Variants in NAV1 observed in about 807,000 individuals in gnomAD.
NAV1 encodes pore membrane and/or filament interacting like protein 3.
In NAV1, 18 loss-of-function variants were observed where a neutral mutation model predicts 175.2. The ratio of observed to expected loss-of-function variants is 0.10; its 90% confidence interval spans 0.07 to 0.15. NAV1 has a LOEUF of 0.15. Among genes scored for constraint, NAV1 ranks in the 10% least tolerant of loss-of-function variants. NAV1 has a pLI of 1.00. For missense variants in NAV1, 1,731 were observed against 2,436.6 expected (o/e 0.71, Z 6.10); for synonymous variants, 897 against 978.7 (o/e 0.92, Z 1.56).
At chr1:201,815,050 A>T (rs1238956889) in intron 28 of NAV1, among the ~76,000 whole-genome samples, 1 of 151,722 alleles carries the variant, frequency 6.6e-6, no homozygotes, top group African/African-American at 2.4e-5. Flanking sequence ...AAAAAAAAAA[A>T]AAAAAAGTTA....
intron 2 of NAV1, among the ~76,000 whole-genome samples, chr1:201,715,665 G>A (rs1672110521): frequency 1.3e-5 from 2 of 152,224 alleles, no homozygotes; most frequent in Admixed American, 1.3e-4. Context: ...ACAGCGCTGG[G>A]CACTGGCTCC....
chr1:201,662,958 G>A (rs1254703427), intron 1 of NAV1, among the ~76,000 whole-genome samples: 1 of 152,260 alleles, frequency 6.6e-6, no homozygotes, highest in Non-Finnish European at 1.5e-5. Context: ...AGGGGAAAGG[G>A]ACGAAGTTTT....
chr1:201,579,005 C>A (rs2102189026), intron 1 of NAV1, among the ~76,000 whole-genome samples: 1 of 152,074 alleles, frequency 6.6e-6, no homozygotes, highest in East Asian at 1.9e-4. Context: ...TGATGGCACA[C>A]ACCTGTAATC....
At chr1:201,804,437 T>TC (rs1321524792) in intron 16 of NAV1, 52 bp from the exon 21 acceptor site, 6 of 1,506,382 alleles carry the variant, frequency 4.0e-6, no homozygotes, top group Non-Finnish European at 5.4e-6. Context: ...AAGTGTTGAT[T>TC]CTTTTTTTTT....
intron 3 of NAV1, among the ~76,000 whole-genome samples, chr1:201,752,877 AT>A (rs1253620771): frequency 1.3e-5 from 2 of 152,038 alleles, no homozygotes; most frequent in African/African-American, 2.4e-5. Flanking sequence ...TAACTTGCAA[AT>A]TTTTCCCCCA....
chr1:201,598,822 G>A (rs183133604), intron 2 of NAV1, among the ~76,000 whole-genome samples: 13 of 152,292 alleles, frequency 8.5e-5, no homozygotes, highest in Admixed American at 3.9e-4. Context: ...TGAGGAACCC[G>A]AGTCTTCAGT....
intron 1 of NAV1, among the ~76,000 whole-genome samples, chr1:201,690,775 T>G (rs1670896781): frequency 6.6e-6 from 1 of 150,556 alleles, no homozygotes; most frequent in South Asian, 2.1e-4. Context: ...AGTGTGTGTG[T>G]CTGTTTCCTC....
At chr1:201,701,732 A>T (rs139890456) in intron 1 of NAV1, among the ~76,000 whole-genome samples, 1 of 152,368 alleles carries the variant, frequency 6.6e-6, no homozygotes, top group African/African-American at 2.4e-5. Flanking sequence ...AGACAATGAC[A>T]AGTGTCAGTG....
chr1:201,740,182 G>A lies in NAV1; in HGVS notation c.1226+21427G>A. 1.1e-6 allele frequency: 1 copy of A among 945,760 alleles called. No individual in the cohort carries two copies. Among genetic ancestry groups the A allele is most frequent in the South Asian group, 1.9e-5 (1 of 51,522 alleles). 58.6% of individuals were successfully genotyped at this position (945,760 alleles called of 1,614,324 possible). On this transcript the variant is annotated intron_variant, in intron 3 of 29. Coordinates refer to ENST00000367296, the Ensembl canonical transcript of NAV1. This position sits in a 1 kb window ranked among gnomAD's most constrained non-coding sequence, Gnocchi z 4.7. Reference sequence around the variant, plus strand: ...GCCCCCCAGTTCCGCCGCAGCTGCAGTCTCAGGGGCAGTGGGTGTGGGGTC... The same window carrying A: ...GCCCCCCAGTTCCGCCGCAGCTGCAATCTCAGGGGCAGTGGGTGTGGGGTC...
intron 2 of NAV1, among the ~76,000 whole-genome samples, chr1:201,714,694 A>G (rs1672062608): frequency 6.6e-6 from 1 of 152,100 alleles, no homozygotes; most frequent in African/African-American, 2.4e-5. Context: ...GCCTTCCCCC[A>G]TCCAAGGAAA....
intron 2 of NAV1, among the ~76,000 whole-genome samples, chr1:201,589,640 C>T (rs536752926): frequency 2.6e-5 from 4 of 152,258 alleles, no homozygotes; most frequent in African/African-American, 9.6e-5. Flanking sequence ...CACAGGCGCA[C>T]ACCACCACTC....
intron 3 of NAV1, among the ~76,000 whole-genome samples, chr1:201,747,872 C>G (rs1673869603): frequency 6.6e-6 from 1 of 152,206 alleles, no homozygotes; most frequent in Non-Finnish European, 1.5e-5. Flanking sequence ...GTTGCCAACT[C>G]AGATTCCCAT....
Position 201,817,316 on chromosome 1 carries a change from A to G in NAV1, c.5538+31A>G, listed in dbSNP as rs74957953. On this transcript the variant is annotated intron_variant, in intron 29 of 29. Coordinates refer to ENST00000367296, the Ensembl canonical transcript of NAV1. ...TAGAAGCCATTCTAGAGTAAAAATAAGACTATTATAGAACTGAATTATTGA... is the reference window on the plus strand; with the variant it reads ...TAGAAGCCATTCTAGAGTAAAAATAGGACTATTATAGAACTGAATTATTGA... 11,768 of 1,600,012 alleles carry G rather than the reference A, an allele frequency of 7.4e-3. 62 individuals carry two copies. Among genetic ancestry groups the G allele is most frequent in the Non-Finnish European group, 8.2e-3 (9,541 of 1,170,122 alleles).
At chr1:201,790,815 G>A (rs1251246343) in intron 13 of NAV1, 49 bp downstream of exon 17, 18 of 1,596,688 alleles carry the variant, frequency 1.1e-5, no homozygotes, top group East Asian at 2.2e-5. Context: ...TTTGACTATC[G>A]TTAGACAAGT....
chr1:201,563,745 G>A (rs779085761), intron 1 of NAV1, among the ~76,000 whole-genome samples: 1 of 152,212 alleles, frequency 6.6e-6, no homozygotes, highest in African/African-American at 2.4e-5. Context: ...CTGTGGCCCT[G>A]ACAAGCAGAA....
At chr1:201,680,250 C>A (rs576587378) in intron 1 of NAV1, among the ~76,000 whole-genome samples, 1 of 152,282 alleles carries the variant, frequency 6.6e-6, no homozygotes, top group African/African-American at 2.4e-5. Context: ...TGGCTCACGC[C>A]TGTAATCCCA....
Position 201,812,043 on chromosome 1 carries a change from G to A in NAV1, c.5024+69G>A. 2 of 1,423,380 alleles carry A rather than the reference G, an allele frequency of 1.4e-6. No homozygotes were observed. Among genetic ancestry groups the A allele is most frequent in the Non-Finnish European group, 2.0e-6 (2 of 1,006,842 alleles). 88.2% of individuals were successfully genotyped at this position (1,423,380 alleles called of 1,614,324 possible). On this transcript the variant is annotated intron_variant, in intron 26 of 29. Transcript: ENST00000367296. The surrounding 1 kb of genome is among the most constrained non-coding windows in gnomAD (Gnocchi z 4.6). ...AGTCTTCAATCCTGGACTCTGGCCA[G>A]GAGGCAGTAGATAGGAGAAGGAAAG...
intron 1 of NAV1, among the ~76,000 whole-genome samples, chr1:201,585,195 G>A (rs16865416): frequency 0.048 from 7,366 of 152,244 alleles, 205 homozygotes; most frequent in Middle Eastern, 0.071. Context: ...GGTTCTGAAC[G>A]TGTGATGACT....
At chr1:201,681,211 C>T (rs1251979044) in intron 1 of NAV1, among the ~76,000 whole-genome samples, 2 of 152,130 alleles carry the variant, frequency 1.3e-5, no homozygotes, top group Non-Finnish European at 1.5e-5. Context: ...TGCACTTTCT[C>T]ACCTTTCTAG....
Sources: gnomAD v4.1 joint callset for allele counts (sites outside exome capture counted in the v4.1 genomes callset) on GRCh38, gnomAD v4.1.1 for gene constraint, Gnocchi (gnomAD v3.1) non-coding constraint, MANE v1.5 for transcripts, NCBI Gene and HGNC (gene_info 2026-07-23, HGNC 2026-07-21) for gene names.